SGCE: variants seen among roughly 807,000 people sequenced by gnomAD.
SGCE encodes the protein epsilon-sarcoglycan.
In SGCE, 26 loss-of-function variants were observed where a neutral mutation model predicts 57.8. That is an observed-to-expected ratio of 0.45 (90% CI 0.33 to 0.62). SGCE has a LOEUF of 0.62. SGCE is among the 20% of genes least tolerant of loss of function. SGCE has a pLI of 0.02. For missense variants in SGCE, 468 were observed against 548.6 expected (o/e 0.85, Z 1.47); for synonymous variants, 183 against 189.5 (o/e 0.97, Z 0.28).
chr7:94,632,128 T>C (rs537212314), intron 1 of SGCE, among the ~76,000 whole-genome samples: 17 of 152,178 alleles, frequency 1.1e-4, no homozygotes, highest in Admixed American at 1.0e-3. Context: ...CATCCTTCAT[T>C]GACATTATAA....
intron 1 of SGCE, chr7:94,644,488 G>A (rs1273194254): frequency 2.7e-6 from 1 of 365,784 alleles, no homozygotes; most frequent in African/African-American, 2.2e-5. Flanking sequence ...ACTGATTGCT[G>A]ATGAGCTAAT....
intron 5 of SGCE, among the ~76,000 whole-genome samples, chr7:94,604,309 T>C (rs1241656409): frequency 6.6e-6 from 1 of 151,912 alleles, no homozygotes; most frequent in Non-Finnish European, 1.5e-5. Flanking sequence ...AAAATGACAA[T>C]GTAAAATGAA....
chr7:94,609,068 G>A (rs1800604253), intron 5 of SGCE, among the ~76,000 whole-genome samples: 1 of 151,990 alleles, frequency 6.6e-6, no homozygotes, highest in Non-Finnish European at 1.5e-5. Context: ...TGACAAGATG[G>A]ACTTAATTAA....
intron 5 of SGCE, among the ~76,000 whole-genome samples, chr7:94,604,279 A>G (rs1327772247): frequency 6.6e-6 from 1 of 152,152 alleles, no homozygotes; most frequent in African/African-American, 2.4e-5. Context: ...GTTCCTTTTC[A>G]TAATGACAAT....
intron 3 of SGCE, chr7:94,624,641 G>A: frequency 6.3e-6 from 1 of 159,590 alleles, no homozygotes; most frequent in South Asian, 2.0e-4. Flanking sequence ...TACAAAAAAT[G>A]CAAAATAGAT....
chr7:94,655,965 T>A, intron 1 of SGCE, 25 bp downstream of exon 1: 1 of 1,493,832 alleles, frequency 6.7e-7, no homozygotes, highest in Non-Finnish European at 9.3e-7. Flanking sequence ...CCCCGGGACC[T>A]CCACGTCGCG....
chr7:94,587,665 A>C (rs963425615), intron 10 of SGCE: 1 of 1,507,362 alleles, frequency 6.6e-7, no homozygotes, highest in African/African-American at 1.4e-5. Context: ...TATATTGAAC[A>C]GTCTTGTTGA....
intron 7 of SGCE, 65 bp from the exon 8 acceptor site, chr7:94,599,788 T>G: frequency 9.0e-7 from 1 of 1,114,036 alleles, no homozygotes; most frequent in South Asian, 1.2e-5. Flanking sequence ...TAAGACTATA[T>G]GCTCATGGGA....
chr7:94,588,193 C>G, intron 10 of SGCE: 1 of 1,072,520 alleles, frequency 9.3e-7, no homozygotes. Flanking sequence ...GAATTGTCCG[C>G]CATCTTGTTG....
At position 94,629,710 on chromosome 7, in the gene SGCE, A is replaced by G; in HGVS notation, c.232+9T>C. The G allele has an allele frequency of 6.2e-7, 1 of 1,610,726 alleles. No individual in the cohort carries two copies. The highest frequency in any genetic ancestry group is 1.7e-4 in the Middle Eastern group (1 of 6,032). On this transcript the variant is annotated intron_variant, in intron 2 of 10. Coordinates refer to ENST00000648936, the MANE Select transcript of SGCE (RefSeq NM_003919.3). ...GTTAACTGCTTTTTTTTCCTCACAA[A>G]GAACATACCAGGTTTTGGGTAAGGT...
chr7:94,651,937 ATTTT>A (rs200835923), intron 1 of SGCE, among the ~76,000 whole-genome samples: 7 of 141,028 alleles, frequency 5.0e-5, no homozygotes, highest in African/African-American at 1.8e-4. Context: ...CTTCTTTATT[ATTTT>A]TTTTTTTTGT....
chr7:94,623,001 T>C (rs1377231117), intron 4 of SGCE, among the ~76,000 whole-genome samples: 1 of 152,132 alleles, frequency 6.6e-6, no homozygotes, highest in Non-Finnish European at 1.5e-5. Flanking sequence ...TGGAGTGCAG[T>C]GCTCCAGCCT....
rs116566553 is a variant in SGCE, at chr7:94,610,009, G to C, written c.663-6557C>G. On this transcript the variant is annotated intron_variant, in intron 5 of 10. Coordinates refer to ENST00000648936, the MANE Select transcript of SGCE (RefSeq NM_003919.3). ...TAAACCGTGGTACATCCAGAAAATG[G>C]AATATTATTCAGTGCTAAAATGGAA... is the stretch of plus-strand genomic sequence containing the variant. Among the ~76,000 whole-genome samples, 231 of 152,226 alleles carry C rather than the reference G, an allele frequency of 1.5e-3. 1 individual carries two copies. The highest frequency in any genetic ancestry group is 5.0e-3 in the African/African-American group (208 of 41,524).
rs772631193 is a variant in SGCE, at chr7:94,588,665, T to C, written c.1297+24A>G. On this transcript the variant is annotated intron_variant, in intron 10 of 10. Coordinates refer to ENST00000648936, the MANE Select transcript of SGCE (RefSeq NM_003919.3). ...ATCTATTAGATTCATTCATAAACATTAATTTATTATTCTTAGCACTCACCT... is the reference window on the plus strand; with the variant it reads ...ATCTATTAGATTCATTCATAAACATCAATTTATTATTCTTAGCACTCACCT... 6 of 1,574,690 alleles carry C rather than the reference T, an allele frequency of 3.8e-6. No homozygotes were observed. In the African/African-American group the frequency reaches 5.4e-5, roughly 14 times the overall value.
intron 8 of SGCE, chr7:94,599,267 A>T (rs2116680681): frequency 3.3e-6 from 1 of 304,442 alleles, no homozygotes; most frequent in Admixed American, 4.6e-5. Flanking sequence ...CTATGATTTA[A>T]GATAAAACTA....
At chr7:94,615,421 GATAA>G (rs200423438) in intron 5 of SGCE, among the ~76,000 whole-genome samples, 2,643 of 126,594 alleles carry the variant, frequency 0.021, 31 homozygotes, top group Non-Finnish European at 0.034. Context: ...TAGATAGATA[GATAA>G]AGGGCAATTC....
chr7:94,588,067 G>C, intron 10 of SGCE: 1 of 1,334,028 alleles, frequency 7.5e-7, no homozygotes, highest in South Asian at 1.9e-5. Context: ...AGACAATCAT[G>C]AATAAGTTAT....
At chr7:94,649,127 A>G (rs1262014434) in intron 1 of SGCE, among the ~76,000 whole-genome samples, 1 of 152,260 alleles carries the variant, frequency 6.6e-6, no homozygotes, top group East Asian at 1.9e-4. Flanking sequence ...ATTCCAAAAA[A>G]TTGATTAGTC....
intron 2 of SGCE, 64 bp downstream of exon 2, chr7:94,629,655 A>G: frequency 7.1e-7 from 1 of 1,413,742 alleles, no homozygotes; most frequent in Admixed American, 1.7e-5. Context: ...ATATGTCTAT[A>G]TTATGCAAAT....
Sources: allele counts gnomAD v4.1 joint callset (sites outside exome capture counted in the v4.1 genomes callset), GRCh38; gene constraint gnomAD v4.1.1; transcripts MANE v1.5; gene names NCBI Gene and HGNC (gene_info 2026-07-23, HGNC 2026-07-21).